Variants in ADCY7 observed in about 807,000 individuals in gnomAD.
ADCY7 encodes adenylate cyclase type 7.
In ADCY7, 72 loss-of-function variants were observed where a neutral mutation model predicts 120.6. The ratio of observed to expected loss-of-function variants is 0.60; its 90% CI spans 0.49 to 0.73. The LOEUF is 0.73. ADCY7 is among the 30% of genes least tolerant of loss of function. ADCY7 has a pLI of 0.00. For synonymous variants in ADCY7, 661 were observed against 628.0 expected, an observed-to-expected ratio of 1.05 and a Z score of -0.78; for missense variants, 1,227 against 1,486.0, an observed-to-expected ratio of 0.83 and a Z score of 2.87.
intron 1 of ADCY7, among the ~76,000 whole-genome samples, chr16:50,269,245 G>C (rs947289312): frequency 3.9e-5 from 6 of 152,152 alleles, no homozygotes; most frequent in Admixed American, 1.3e-4. Context: ...CCAGCAGATC[G>C]GTCCTCAGGC....
At position 50,313,021 on chromosome 16, in the gene ADCY7, T is replaced by C. The variant is rs758096348; in HGVS notation, c.2736T>C (p.Ile912=). ...GCCTACGCCTGCTCAATGAGATCAT[T>C]GCCGACTTCGACGAGGTACAGCCTC... The part of the protein sequence containing the change: ...LECLRLLNEI[I]ADFDELLLKP... The change falls in exon 22 of 26, where the codon ATT becomes ATC. Residue 912 remains isoleucine (I), a synonymous_variant. Transcript: ENST00000673801. 1 of 1,614,194 alleles carries C rather than the reference T, an allele frequency of 6.2e-7. No individual in the cohort carries two copies. The highest frequency in any genetic ancestry group is 8.5e-7 in the Non-Finnish European group (1 of 1,180,014).
intron 20 of ADCY7, 28 bp from the exon 21 acceptor site, chr16:50,312,008 G>C: frequency 6.2e-7 from 1 of 1,612,584 alleles, no homozygotes. Flanking sequence ...GCCTGTGGAC[G>C]GGGCGCTTAT....
intron 2 of ADCY7, among the ~76,000 whole-genome samples, chr16:50,288,654 T>G (rs551740720): frequency 2.0e-5 from 3 of 151,712 alleles, no homozygotes; most frequent in Middle Eastern, 3.4e-3. Context: ...ATTTTTGTAT[T>G]TTTAGTAGAG....
chr16:50,260,061 C>G (rs1313899425), intron 1 of ADCY7, among the ~76,000 whole-genome samples: 1 of 152,218 alleles, frequency 6.6e-6, no homozygotes, highest in African/African-American at 2.4e-5. Context: ...CACCTCAGTC[C>G]CAAGTGTGGA....
At chr16:50,298,871 TTCCA>T in intron 7 of ADCY7, 29 bp from the exon 8 acceptor site, 1 of 1,600,290 alleles carries the variant, frequency 6.2e-7, no homozygotes, top group Non-Finnish European at 8.5e-7. Context: ...GCCCCACATC[TTCCA>T]GTGACCAGGC....
chr16:50,272,194 T>G (rs1462560208), intron 1 of ADCY7, among the ~76,000 whole-genome samples: 5 of 151,982 alleles, frequency 3.3e-5, no homozygotes, highest in Non-Finnish European at 7.4e-5. Flanking sequence ...GGGGAGGAGC[T>G]CATGTCCCTG....
Position 50,296,952 on chromosome 16 carries a change from G to A in ADCY7, c.949-1952G>A, listed in dbSNP as rs533870882. ...CAGGATCTGCATGGCTTCTGAACCA[G>A]CAGCTGGGAGCCCCAGAGGTTGGGC... On this transcript the variant is annotated intron_variant, in intron 7 of 25. Transcript: ENST00000673801. 5.3e-5 allele frequency among the ~76,000 whole-genome samples: 8 copies of A among 152,350 alleles called. No homozygotes were observed. In the South Asian group the frequency reaches 1.7e-3, roughly 32 times the overall value.
At chr16:50,286,946 T>C (rs2034618797) in intron 1 of ADCY7, among the ~76,000 whole-genome samples, 1 of 151,926 alleles carries the variant, frequency 6.6e-6, no homozygotes, top group African/African-American at 2.4e-5. Flanking sequence ...TGTAGAAGCT[T>C]CTGTGATGAT....
intron 1 of ADCY7, among the ~76,000 whole-genome samples, chr16:50,280,331 CTTCT>C (rs1448844322): frequency 7.0e-6 from 1 of 142,022 alleles, no homozygotes; most frequent in Non-Finnish European, 1.5e-5. Context: ...TTTCTCTTTT[CTTCT>C]TTATTAGTTT....
At position 50,307,154 on chromosome 16, in the gene ADCY7, T is replaced by C; in HGVS notation, c.1850+7T>C. ...ATGTCCTGCTCATGCCCAGGTCAGT[T>C]GCAGGGAGGGGTGTGGGGGTCCGGC... On this transcript the variant is annotated splice_region_variant and intron_variant, in intron 15 of 25. Transcript: ENST00000673801. 6.2e-7 allele frequency: 1 copy of C among 1,610,612 alleles called. No individual in the cohort carries two copies. Among genetic ancestry groups the C allele is most frequent in the Non-Finnish European group, 8.5e-7 (1 of 1,179,598 alleles).
chr16:50,260,830 A>C (rs2033039451), intron 1 of ADCY7, among the ~76,000 whole-genome samples: 1 of 152,158 alleles, frequency 6.6e-6, no homozygotes, highest in Admixed American at 6.5e-5. Flanking sequence ...GGCTTCCCCT[A>C]GAGGGAGAGA....
In ADCY7 at chr16:50,316,980, G is replaced by A. The variant is rs2036828804; in HGVS notation, c.*1475G>A. ...AGATGATTATACAGGGTTGCAGATT[G>A]GGTGACTGACCAGACTTGTTGGGGT... On this transcript the variant is annotated 3_prime_UTR_variant, in exon 26 of 26. Coordinates refer to ENST00000673801, the MANE Select transcript of ADCY7 (RefSeq NM_001114.5). 1 of 152,888 alleles carries A rather than the reference G, an allele frequency of 6.5e-6. No homozygotes were observed. The highest frequency in any genetic ancestry group is 2.1e-4 in the South Asian group (1 of 4,826). 9.5% of individuals were successfully genotyped at this position (152,888 alleles called of 1,614,324 possible). A position where few individuals can be genotyped will look rare whatever the true frequency, so the allele number is the denominator to read the frequency against.
intron 3 of ADCY7, among the ~76,000 whole-genome samples, chr16:50,291,519 T>C (rs2150964632): frequency 6.6e-6 from 1 of 152,310 alleles, no homozygotes; most frequent in Non-Finnish European, 1.5e-5. Flanking sequence ...CCACAGGCAG[T>C]GGATCAGCAC....
chr16:50,263,834 C>T (rs1256787570), upstream of ADCY7, among the ~76,000 whole-genome samples: 6 of 152,054 alleles, frequency 3.9e-5, no homozygotes, highest in Non-Finnish European at 7.4e-5. Context: ...CTCCACGCCG[C>T]GCTTTCCTCA....
chr16:50,311,032 T>A (rs2036425089), intron 19 of ADCY7, 152 bp downstream of exon 19: 1 of 823,460 alleles, frequency 1.2e-6, no homozygotes, highest in African/African-American at 1.7e-5. Context: ...AGCCGAGGAA[T>A]TCACTGGCAG....
Position 50,311,810 on chromosome 16 carries a change from C to CT in ADCY7, c.2448+24_2448+25insT, listed in dbSNP as rs1555525926. On this transcript the variant is annotated intron_variant, in intron 20 of 25. Coordinates refer to ENST00000673801, the MANE Select transcript of ADCY7 (RefSeq NM_001114.5). ...AGGTAAGGAGGCTGGCCCCCCCCCC[C>CT]CCCCCAAGCTCTGCCCACTTTTCCT... is the stretch of plus-strand genomic sequence containing the variant. 1.5e-4 allele frequency: 195 copies of CT among 1,343,086 alleles called. 3 individuals carry two copies. In the African/African-American group the frequency reaches 1.8e-3, roughly 13 times the overall value. The allele number at this position is 1,343,086 out of a possible 1,614,324, so 83.2% of individuals were successfully genotyped here.
In ADCY7 at chr16:50,292,825, G is replaced by A. The variant is rs61731917; in HGVS notation, c.687G>A (p.Gln229=). Residue 229 remains glutamine (Q), a splice_region_variant and synonymous_variant, in exon 5 of 26, where the codon CAG becomes CAA. Transcript: ENST00000673801. ...RRKLRIEKRQ[Q]ENLLLSVLPA... is the part of the protein sequence containing the mutation. ...AGCTGCGCATCGAGAAGCGCCAGCA[G>A]GTGGGACCCGGCCCCCACTCCTCAC... 3.7e-6 allele frequency: 6 copies of A among 1,612,750 alleles called. No individual in the cohort carries two copies. The highest frequency in any genetic ancestry group is 3.3e-5 in the Admixed American group (2 of 59,976).
At chr16:50,304,997 C>T (rs756444978) in intron 12 of ADCY7, 38 bp downstream of exon 12, 5 of 1,611,790 alleles carry the variant, frequency 3.1e-6, no homozygotes, top group Non-Finnish European at 4.2e-6. Context: ...CCTGCTGCAG[C>T]CACCTCCTCC....
chr16:50,281,405 G>T (rs1477494843), intron 1 of ADCY7, among the ~76,000 whole-genome samples: 2 of 152,226 alleles, frequency 1.3e-5, no homozygotes, highest in Admixed American at 6.5e-5. Context: ...GGCAGGTGCA[G>T]CAGGTGCTTC....
Sources: allele counts gnomAD v4.1 joint callset (sites outside exome capture counted in the v4.1 genomes callset), GRCh38; gene constraint gnomAD v4.1.1; transcripts MANE v1.5; gene names NCBI Gene and HGNC (gene_info 2026-07-23, HGNC 2026-07-21).